The following MAEA variants were observed in gnomAD, a reference collection of about 807,000 sequenced individuals.
The protein encoded by MAEA is macrophage erythroblast attacher, E3 ubiquitin ligase.
A neutral mutation model predicts 46.2 loss-of-function variants in MAEA; 22 were observed. The observed-to-expected ratio is 0.48, with a 90% confidence interval of 0.34 to 0.68. The LOEUF (loss-of-function observed/expected upper bound fraction) is 0.68. Among genes scored for constraint, MAEA ranks in the 30% least tolerant of loss-of-function variants. The probability of loss-of-function intolerance (pLI) is 0.01; values close to 1 mark genes in which losing one functional copy is unlikely to be tolerated. For synonymous variants in MAEA, 246 were observed against 222.6 expected (o/e 1.11, Z -0.94); for missense variants, 393 against 558.1 (o/e 0.70, Z 2.98).
At chr4:1,302,572 C>T (rs749178767) in intron 1 of MAEA, among the ~76,000 whole-genome samples, 2 of 152,202 alleles carry the variant, frequency 1.3e-5, no homozygotes, top group Admixed American at 6.5e-5. Context: ...CTCCGCTTCC[C>T]GGGTTCACGC....
intron 3 of MAEA, among the ~76,000 whole-genome samples, chr4:1,316,172 C>T (rs894387837): frequency 6.6e-6 from 1 of 152,110 alleles, no homozygotes; most frequent in African/African-American, 2.4e-5. Context: ...AGGCGGGGTG[C>T]GTTTTCCGTG....
chr4:1,294,338 C>T (rs73069980), intron 1 of MAEA, among the ~76,000 whole-genome samples: 23,494 of 152,160 alleles, frequency 0.15, 3,467 homozygotes, highest in East Asian at 0.42. Context: ...TTGGGCAAGG[C>T]TGAGATAAGG....
At chr4:1,310,322 TC>T (rs768026568) in intron 1 of MAEA, among the ~76,000 whole-genome samples, 4 of 152,172 alleles carry the variant, frequency 2.6e-5, no homozygotes, top group African/African-American at 9.6e-5. Flanking sequence ...TGCTGTGACT[TC>T]CCATCCACTA....
intron 3 of MAEA, among the ~76,000 whole-genome samples, chr4:1,319,121 G>A (rs935988137): frequency 4.6e-5 from 7 of 152,194 alleles, no homozygotes; most frequent in Non-Finnish European, 8.8e-5. Context: ...GGAGGCTGAG[G>A]CGAGCGGATC....
chr4:1,319,010 G>T (rs1737669449), intron 3 of MAEA, among the ~76,000 whole-genome samples: 1 of 152,126 alleles, frequency 6.6e-6, no homozygotes, highest in South Asian at 2.1e-4. Flanking sequence ...AGGCTGCCCA[G>T]GAGGGGCAGA....
Position 1,316,994 on chromosome 4 carries a change from C to T in MAEA, c.456+1394C>T, listed in dbSNP as rs1404585025. Among the ~76,000 whole-genome samples, 188 of 140,872 alleles carry T rather than the reference C, an allele frequency of 1.3e-3. 2 individuals are homozygous for T. The highest frequency in any genetic ancestry group is 2.0e-3 in the Non-Finnish European group (126 of 63,024). The allele number at this position is 140,872 out of a possible 152,430, so 92.4% of individuals were successfully genotyped here. On this transcript the variant is annotated intron_variant, in intron 3 of 8. Transcript: ENST00000303400. Reference sequence around the variant, plus strand: ...CACGGCCCCACACTCTAGACTCACCCCCAGGCCCACCCCGGCCCCCACACT... The same window carrying T: ...CACGGCCCCACACTCTAGACTCACCTCCAGGCCCACCCCGGCCCCCACACT...
intron 2 of MAEA, among the ~76,000 whole-genome samples, chr4:1,313,585 G>A (rs913286932): frequency 3.3e-5 from 5 of 152,022 alleles, no homozygotes; most frequent in African/African-American, 4.8e-5. Flanking sequence ...ATAGCCAAGC[G>A]TACTGGTGCC....
intron 4 of MAEA, among the ~76,000 whole-genome samples, chr4:1,326,364 C>T (rs1240408695): frequency 3.9e-5 from 6 of 152,366 alleles, no homozygotes; most frequent in East Asian, 1.9e-4. Context: ...ATCCTGTTTC[C>T]GGGGTGAAGC....
intron 3 of MAEA, 74 bp downstream of exon 3, chr4:1,315,674 C>A: frequency 1.4e-6 from 2 of 1,460,908 alleles, no homozygotes; most frequent in South Asian, 2.4e-5. Flanking sequence ...TGTGGCATGT[C>A]CCCCGGCATG....
At chr4:1,294,865 GA>G (rs1369228902) in intron 1 of MAEA, among the ~76,000 whole-genome samples, 1 of 151,894 alleles carries the variant, frequency 6.6e-6, no homozygotes, top group Non-Finnish European at 1.5e-5. Flanking sequence ...CAGTGAATGC[GA>G]TATTGTGAGC....
At chr4:1,324,617 A>G (rs868861093) in intron 4 of MAEA, among the ~76,000 whole-genome samples, 5 of 113,966 alleles carry the variant, frequency 4.4e-5, no homozygotes, top group African/African-American at 1.7e-4. Context: ...ATGAGTTGAG[A>G]TTGGATGAGC....
chr4:1,306,922 GAGACT>G (rs1735888537), intron 1 of MAEA, among the ~76,000 whole-genome samples: 1 of 152,294 alleles, frequency 6.6e-6, no homozygotes, highest in African/African-American at 2.4e-5. Flanking sequence ...GGCTGTTGCA[GAGACT>G]GTCCTTCGCC....
intron 1 of MAEA, among the ~76,000 whole-genome samples, chr4:1,306,964 T>C (rs977327463): frequency 6.6e-6 from 1 of 152,198 alleles, no homozygotes; most frequent in Non-Finnish European, 1.5e-5. Context: ...CTTGGCTGTA[T>C]GTAAATGGAC....
chr4:1,311,021 A>C lies in MAEA; in HGVS notation c.70-958A>C, dbSNP rs1017642295. On this transcript the variant is annotated intron_variant, in intron 1 of 8. Transcript: ENST00000303400. The surrounding 1 kb of genome is among the most constrained non-coding windows in gnomAD (Gnocchi z 4.4). Reference sequence around the variant, plus strand: ...AAGCACAGTGGCTGACACGAGGTCGAGGCGTGCCCAGGGCCGGGGGAGCAG... The same window carrying C: ...AAGCACAGTGGCTGACACGAGGTCGCGGCGTGCCCAGGGCCGGGGGAGCAG... Among the ~76,000 whole-genome samples, 9 of 151,862 alleles carry C rather than the reference A, an allele frequency of 5.9e-5. No individual in the cohort carries two copies. Among genetic ancestry groups the C allele is most frequent in the Non-Finnish European group, 1.2e-4 (8 of 67,984 alleles).
At chr4:1,325,058 G>A (rs1455554295) in intron 4 of MAEA, among the ~76,000 whole-genome samples, 1 of 152,146 alleles carries the variant, frequency 6.6e-6, no homozygotes, top group Non-Finnish European at 1.5e-5. Flanking sequence ...TACGAGATGC[G>A]GCCGAGCCAG....
intron 3 of MAEA, 150 bp downstream of exon 3, chr4:1,315,750 AC>A (rs1321711535): frequency 2.3e-5 from 7 of 309,200 alleles, no homozygotes; most frequent in African/African-American, 1.3e-4. Context: ...CCCTCCCCCC[AC>A]CCCCGTGTGC....
intron 6 of MAEA, among the ~76,000 whole-genome samples, chr4:1,333,928 C>T (rs1371887887): frequency 2.0e-5 from 1 of 49,896 alleles, no homozygotes; most frequent in Admixed American, 1.8e-4. Context: ...ACCCCCATGC[C>T]CACTCCCGTG....
intron 2 of MAEA, among the ~76,000 whole-genome samples, chr4:1,314,363 C>G (rs1403420845): frequency 2.0e-5 from 3 of 148,724 alleles, no homozygotes; most frequent in Non-Finnish European, 4.5e-5. Context: ...ACTAAAATTT[C>G]AAGAAATGGG....
At chr4:1,325,460 A>G (rs78401962) in intron 4 of MAEA, among the ~76,000 whole-genome samples, 1,544 of 152,278 alleles carry the variant, frequency 0.01, 25 homozygotes, top group African/African-American at 0.035. Context: ...ACACTTACAT[A>G]TTAGTGGACC....
Sources: allele counts gnomAD v4.1 joint callset (sites outside exome capture counted in the v4.1 genomes callset), GRCh38; gene constraint gnomAD v4.1.1; non-coding constraint Gnocchi (gnomAD v3.1); transcripts MANE v1.5; gene names NCBI Gene and HGNC (gene_info 2026-07-23, HGNC 2026-07-21).